The following CNTNAP2 variants were observed in gnomAD, a reference collection of about 807,000 sequenced individuals.
CNTNAP2 encodes the protein contactin associated protein 2.
A neutral mutation model predicts 155.2 loss-of-function variants in CNTNAP2; 98 were observed. That is an observed-to-expected ratio of 0.63 (90% CI 0.54 to 0.75). The LOEUF (loss-of-function observed/expected upper bound fraction) is 0.75, where lower values mean the gene tolerates loss of function less well. CNTNAP2 is among the 30% of genes least tolerant of loss of function. The pLI is 0.00. For missense variants in CNTNAP2, 1,727 were observed against 1,688.1 expected (o/e 1.02, Z -0.40); for synonymous variants, 651 against 631.2 (o/e 1.03, Z -0.47).
intron 8 of CNTNAP2, among the ~76,000 whole-genome samples, chr7:147,197,718 C>T (rs1041359090): frequency 6.6e-6 from 1 of 152,148 alleles, no homozygotes; most frequent in Admixed American, 6.5e-5. Flanking sequence ...ACATATTTTG[C>T]CTGACTCTTC....
At chr7:147,549,075 C>T (rs935887379) in intron 11 of CNTNAP2, among the ~76,000 whole-genome samples, 1 of 152,068 alleles carries the variant, frequency 6.6e-6, no homozygotes, top group African/African-American at 2.4e-5. Context: ...TTAGGATTGT[C>T]TTGGCTATTT....
intron 1 of CNTNAP2, among the ~76,000 whole-genome samples, chr7:146,207,488 A>G (rs1798964094): frequency 6.6e-6 from 1 of 151,986 alleles, no homozygotes; most frequent in East Asian, 1.9e-4. Flanking sequence ...ACATTATACA[A>G]ATAACATACT....
chr7:146,376,877 T>A (rs1795311315), intron 1 of CNTNAP2, among the ~76,000 whole-genome samples: 1 of 152,064 alleles, frequency 6.6e-6, no homozygotes, highest in African/African-American at 2.4e-5. Context: ...TTTTCCACCA[T>A]GTCAGGATAT....
chr7:148,354,436 TG>T (rs1428609696), intron 21 of CNTNAP2, among the ~76,000 whole-genome samples: 2 of 152,096 alleles, frequency 1.3e-5, no homozygotes, highest in Non-Finnish European at 2.9e-5. Context: ...GAAATCATTT[TG>T]GGGAGCCCTT....
At chr7:147,810,314 G>A (rs916313059) in intron 13 of CNTNAP2, among the ~76,000 whole-genome samples, 2 of 151,650 alleles carry the variant, frequency 1.3e-5, no homozygotes, top group South Asian at 2.1e-4. Flanking sequence ...CTCTGGATAG[G>A]CAAAGTAGAC....
At chr7:147,076,891 T>A (rs1800010575) in intron 4 of CNTNAP2, among the ~76,000 whole-genome samples, 1 of 152,206 alleles carries the variant, frequency 6.6e-6, no homozygotes, top group Admixed American at 6.5e-5. Context: ...ATTTGCATTT[T>A]AAAATAGCTA....
At position 146,153,014 on chromosome 7, in the gene CNTNAP2, C is replaced by T. The variant is rs865827080; in HGVS notation, c.97+36041C>T. 1.3e-5 allele frequency among the ~76,000 whole-genome samples: 2 copies of T among 152,228 alleles called. 1 individual carries two copies. The highest frequency in any genetic ancestry group is 6.8e-3 in the Middle Eastern group (2 of 294). ...ATCAATTTTCTTTGGCGTAAGTCAC[C>T]TTGGTACTTGTCCTCATAGGGTTTC... On this transcript the variant is annotated intron_variant, in intron 1 of 23. Transcript: ENST00000361727.
intron 8 of CNTNAP2, among the ~76,000 whole-genome samples, chr7:147,191,697 T>G (rs1439370990): frequency 7.2e-5 from 11 of 152,202 alleles, no homozygotes; most frequent in Non-Finnish European, 1.2e-4. Context: ...AGGTTTTCTA[T>G]TTCTTCTTGA....
intron 14 of CNTNAP2, among the ~76,000 whole-genome samples, chr7:147,919,379 C>T (rs1490479123): frequency 2.6e-5 from 4 of 151,412 alleles, no homozygotes; most frequent in African/African-American, 9.7e-5. Flanking sequence ...CCTCCCTGGG[C>T]TCAGATGATC....
chr7:147,226,489 G>A (rs1044513023), intron 8 of CNTNAP2, among the ~76,000 whole-genome samples: 37 of 152,076 alleles, frequency 2.4e-4, no homozygotes, highest in African/African-American at 8.9e-4. Flanking sequence ...CTCTTCCCGG[G>A]GTGGTAGGAG....
At chr7:146,935,057 C>A (rs1168630655) in intron 3 of CNTNAP2, among the ~76,000 whole-genome samples, 1 of 152,172 alleles carries the variant, frequency 6.6e-6, no homozygotes, top group Non-Finnish European at 1.5e-5. Flanking sequence ...TTCATAATTT[C>A]ACAATTGAGA....
intron 4 of CNTNAP2, among the ~76,000 whole-genome samples, chr7:147,078,704 T>G (rs912439163): frequency 6.6e-6 from 1 of 151,990 alleles, no homozygotes; most frequent in Non-Finnish European, 1.5e-5. Context: ...AAACTCTCTA[T>G]CTAGTCTAAT....
At chr7:146,258,305 G>C (rs73457968) in intron 1 of CNTNAP2, among the ~76,000 whole-genome samples, 4,123 of 152,144 alleles carry the variant, frequency 0.027, 214 homozygotes, top group African/African-American at 0.094. Flanking sequence ...AATAAATATA[G>C]TTCATGTATG....
At chr7:147,305,106 C>T (rs749216940) in intron 9 of CNTNAP2, among the ~76,000 whole-genome samples, 3 of 152,036 alleles carry the variant, frequency 2.0e-5, no homozygotes, top group Admixed American at 6.5e-5. Context: ...CACAGGGGCT[C>T]GGGGTTTCAA....
intron 13 of CNTNAP2, among the ~76,000 whole-genome samples, chr7:147,686,010 G>A (rs1312037454): frequency 6.6e-6 from 1 of 152,016 alleles, no homozygotes; most frequent in African/African-American, 2.4e-5. Flanking sequence ...CTTTAAGTGA[G>A]AGGGAGGGCC....
chr7:148,289,667 A>G (rs1797156442), intron 21 of CNTNAP2, among the ~76,000 whole-genome samples: 1 of 152,218 alleles, frequency 6.6e-6, no homozygotes, highest in South Asian at 2.1e-4. Context: ...GCATCAAAAT[A>G]GCCAATCATG....
intron 20 of CNTNAP2, among the ~76,000 whole-genome samples, chr7:148,258,385 T>G (rs1796494334): frequency 6.6e-6 from 1 of 152,152 alleles, no homozygotes; most frequent in South Asian, 2.1e-4. Context: ...GTCCTCTCCA[T>G]TATCAGGAAC....
intron 10 of CNTNAP2, 112 bp from the exon 11 acceptor site, chr7:147,485,823 G>A: frequency 9.8e-7 from 1 of 1,017,482 alleles, no homozygotes; most frequent in Non-Finnish European, 1.6e-6. Flanking sequence ...TAATTGCCTT[G>A]GTAAGGCAAC....
At chr7:146,996,724 G>T (rs1014573461) in intron 3 of CNTNAP2, among the ~76,000 whole-genome samples, 1 of 151,810 alleles carries the variant, frequency 6.6e-6, no homozygotes, top group Non-Finnish European at 1.5e-5. Flanking sequence ...TAATTGTTCT[G>T]GCTAGGACTT....
Sources: allele counts gnomAD v4.1 joint callset (sites outside exome capture counted in the v4.1 genomes callset), GRCh38; gene constraint gnomAD v4.1.1; transcripts MANE v1.5; gene names NCBI Gene and HGNC (gene_info 2026-07-23, HGNC 2026-07-21).